ST18: variants seen among roughly 807,000 people sequenced by gnomAD.
The protein encoded by ST18 is ST18 C2H2C-type zinc finger transcription factor.
ST18 carries 50 observed loss-of-function variants against 110.0 expected under a neutral mutation model. The observed-to-expected ratio is 0.45, with a 90% CI of 0.36 to 0.58. The LOEUF is 0.58. ST18 is among the 20% of genes least tolerant of loss of function. ST18 has a pLI of 0.00. For synonymous variants in ST18, 461 were observed against 452.4 expected (o/e 1.02, Z -0.24); for missense variants, 1,306 against 1,280.1 (o/e 1.02, Z -0.31).
chr8:52,169,035 CTGTT>C (rs1274589975), intron 10 of ST18, among the ~76,000 whole-genome samples: 5 of 152,272 alleles, frequency 3.3e-5, no homozygotes, highest in East Asian at 1.9e-4. Flanking sequence ...CCTCGCCACA[CTGTT>C]TGTCTGCAGG....
intron 2 of ST18, among the ~76,000 whole-genome samples, chr8:52,266,172 A>G (rs1589438801): frequency 6.6e-6 from 1 of 152,238 alleles, no homozygotes; most frequent in Admixed American, 6.5e-5. Flanking sequence ...GTCAAAAACA[A>G]TTAAAGGGAA....
chr8:52,224,131 T>A (rs2088209711), intron 3 of ST18, among the ~76,000 whole-genome samples: 1 of 152,230 alleles, frequency 6.6e-6, no homozygotes, highest in Admixed American at 6.5e-5. Flanking sequence ...CTCAGTTTTT[T>A]GAATGATAAG....
At chr8:52,147,024 T>C (rs866714953) in intron 16 of ST18, among the ~76,000 whole-genome samples, 2 of 152,254 alleles carry the variant, frequency 1.3e-5, no homozygotes, top group Middle Eastern at 3.2e-3. Context: ...AAGTCCTCTC[T>C]GATACTCTTA....
intron 9 of ST18, among the ~76,000 whole-genome samples, chr8:52,176,427 A>G (rs1456249548): frequency 6.6e-6 from 1 of 152,174 alleles, no homozygotes; most frequent in Non-Finnish European, 1.5e-5. Context: ...CAACTTTCTT[A>G]ACAACAAAAC....
chr8:52,237,594 A>G (rs928353575), intron 2 of ST18, among the ~76,000 whole-genome samples: 1 of 152,226 alleles, frequency 6.6e-6, no homozygotes, highest in Non-Finnish European at 1.5e-5. Context: ...TATCATCATC[A>G]CAAGATGGGT....
At chr8:52,404,734 T>C (rs1843877484) in intron 2 of ST18, 1 of 152,194 alleles carries the variant, frequency 6.6e-6, no homozygotes. Context: ...AAGTATCAAC[T>C]TATCTGAATT....
At chr8:52,176,790 T>C (rs1226697114) in intron 9 of ST18, among the ~76,000 whole-genome samples, 1 of 152,210 alleles carries the variant, frequency 6.6e-6, no homozygotes, top group Non-Finnish European at 1.5e-5. Flanking sequence ...ATATTTTGAG[T>C]TTGTCTCCTT....
intron 8 of ST18, among the ~76,000 whole-genome samples, chr8:52,211,809 T>C (rs1223350647): frequency 1.3e-5 from 2 of 152,214 alleles, no homozygotes; most frequent in Non-Finnish European, 1.5e-5. Flanking sequence ...AGGGATCACA[T>C]GCTTGATGAA....
intron 8 of ST18, among the ~76,000 whole-genome samples, chr8:52,184,432 T>C (rs1258488551): frequency 6.6e-6 from 1 of 152,230 alleles, no homozygotes; most frequent in Non-Finnish European, 1.5e-5. Context: ...TTTTTGATTA[T>C]ATATTTGAGA....
chr8:52,402,959 C>T (rs1296730148), intron 2 of ST18, among the ~76,000 whole-genome samples: 1 of 152,142 alleles, frequency 6.6e-6, no homozygotes, highest in Admixed American at 6.5e-5. Flanking sequence ...AGCACACTGC[C>T]ATAAGGGCTT....
Position 52,111,013 on chromosome 8 carries a change from G to C in ST18, c.*2185C>G. On this transcript the variant is annotated 3_prime_UTR_variant, in exon 26 of 26. Transcript: ENST00000689386. Reference sequence around the variant, plus strand: ...TTGTTTACAAAAGACCCAATTTACAGTATTGATCATTAACATAGTTGAAAA... The same window carrying C: ...TTGTTTACAAAAGACCCAATTTACACTATTGATCATTAACATAGTTGAAAA... 2 of 398,668 alleles carry C rather than the reference G, an allele frequency of 5.0e-6. No homozygotes were observed. The highest frequency in any genetic ancestry group is 1.3e-4 in the South Asian group (1 of 7,850). 24.7% of individuals were successfully genotyped at this position (398,668 alleles called of 1,614,324 possible). A position where few individuals can be genotyped will look rare whatever the true frequency, so the allele number is the denominator to read the frequency against.
intron 19 of ST18, 41 bp downstream of exon 19, chr8:52,136,549 G>T: frequency 1.3e-6 from 2 of 1,575,768 alleles, no homozygotes; most frequent in Non-Finnish European, 1.7e-6. Context: ...GGGTCCTACC[G>T]TGTGGATGAA....
chr8:52,301,741 A>G (rs552923833), intron 2 of ST18: 4 of 152,350 alleles, frequency 2.6e-5, no homozygotes, highest in East Asian at 3.9e-4. Context: ...TTATTTGCAG[A>G]TATTATGATC....
intron 2 of ST18, among the ~76,000 whole-genome samples, chr8:52,316,399 C>T (rs1385082839): frequency 6.6e-6 from 1 of 152,158 alleles, no homozygotes; most frequent in Admixed American, 6.5e-5. Context: ...GTGTACAGAC[C>T]CTCATCTACC....
At chr8:52,395,853 C>A (rs1305205599) in intron 2 of ST18, among the ~76,000 whole-genome samples, 1 of 152,162 alleles carries the variant, frequency 6.6e-6, no homozygotes, top group Non-Finnish European at 1.5e-5. Context: ...CATAATTTAT[C>A]TAAACCTAGA....
At chr8:52,271,047 C>T (rs142311144) in intron 2 of ST18, among the ~76,000 whole-genome samples, 4,054 of 151,874 alleles carry the variant, frequency 0.027, 88 homozygotes, top group African/African-American at 0.053. Flanking sequence ...TACGGGCGCC[C>T]GCCGCCACGC....
intron 2 of ST18, among the ~76,000 whole-genome samples, chr8:52,341,060 A>G (rs2140197523): frequency 6.6e-6 from 1 of 152,300 alleles, no homozygotes; most frequent in Non-Finnish European, 1.5e-5. Flanking sequence ...AGGAAAGTCT[A>G]TTCTCTTCTA....
chr8:52,217,518 G>A (rs555169343), intron 6 of ST18, among the ~76,000 whole-genome samples: 3 of 152,252 alleles, frequency 2.0e-5, no homozygotes, highest in East Asian at 3.9e-4. Context: ...AGGGCTTAAT[G>A]TCCCAGTTTT....
At chr8:52,361,752 T>G (rs1474933984) in intron 2 of ST18, among the ~76,000 whole-genome samples, 1 of 152,196 alleles carries the variant, frequency 6.6e-6, no homozygotes, top group Non-Finnish European at 1.5e-5. Flanking sequence ...TAAGAACAAA[T>G]GTTTTAATTA....
Sources: gnomAD v4.1 joint callset for allele counts (sites outside exome capture counted in the v4.1 genomes callset) on GRCh38, gnomAD v4.1.1 for gene constraint, MANE v1.5 for transcripts, NCBI Gene and HGNC (gene_info 2026-07-23, HGNC 2026-07-21) for gene names.